Variants in MASP1 observed in about 807,000 individuals in gnomAD.
MASP1 encodes the protein MBL associated serine protease 1, also known as mannan-binding lectin serine protease 1.
MASP1 carries 59 observed loss-of-function variants against 77.1 expected under a neutral mutation model. The observed-to-expected ratio is 0.77, with a 90% confidence interval of 0.62 to 0.95. The LOEUF is 0.95. MASP1 is among the 40% of genes least tolerant of loss of function. The pLI, the probability that MASP1 is intolerant of heterozygous loss-of-function variation, is 0.00. For missense variants in MASP1, 885 were observed against 912.9 expected, an observed-to-expected ratio of 0.97 and a Z score of 0.39; for synonymous variants, 362 against 354.5, an observed-to-expected ratio of 1.02 and a Z score of -0.24.
At chr3:187,277,497 C>A (rs1717057416) in intron 2 of MASP1, among the ~76,000 whole-genome samples, 1 of 151,990 alleles carries the variant, frequency 6.6e-6, no homozygotes, top group Non-Finnish European at 1.5e-5. Flanking sequence ...ATATAGGGAC[C>A]CTCAAGGACC....
intron 8 of MASP1, 76 bp downstream of exon 8, chr3:187,250,175 C>A: frequency 8.4e-7 from 1 of 1,194,472 alleles, no homozygotes. Context: ...AAGCTTTCAC[C>A]CTTGCATGCT....
Position 187,241,373 on chromosome 3 carries a change from A to T in MASP1, c.1303+108T>A, listed in dbSNP as rs1713622016. 5.7e-6 allele frequency: 5 copies of T among 877,136 alleles called. No individual in the cohort carries two copies. The Admixed American group carries it at 8.8e-5, about 16-fold the overall frequency. The allele number at this position is 877,136 out of a possible 1,614,324, so 54.3% of individuals were successfully genotyped here. The stretch of plus-strand genomic sequence containing the variant: ...GAAGACATCTCTTAAAAAGCAACCA[A>T]AGCATCACCTCCCCTGTCCCCCATC... On this transcript the variant is annotated intron_variant, in intron 10 of 10. Coordinates refer to ENST00000296280, the MANE Select transcript of MASP1 (RefSeq NM_139125.4).
intron 1 of MASP1, among the ~76,000 whole-genome samples, chr3:187,288,670 G>A (rs937334552): frequency 3.3e-5 from 5 of 152,136 alleles, no homozygotes; most frequent in Non-Finnish European, 5.9e-5. Context: ...CTCCTAAACC[G>A]GACTTCCCTA....
At chr3:187,219,240 T>A (rs1022065425) in exon 16 of MASP1, 1 of 152,254 alleles carries the variant, frequency 6.6e-6, no homozygotes, top group African/African-American at 2.4e-5. Context: ...CTTCATTGTA[T>A]CTTAGATCGT....
intron 3 of MASP1, among the ~76,000 whole-genome samples, chr3:187,262,334 G>A (rs74653706): frequency 6.6e-6 from 1 of 152,260 alleles, no homozygotes; most frequent in East Asian, 1.9e-4. Flanking sequence ...TGCAATTTAC[G>A]TTAAAACACT....
chr3:187,221,017 G>T, intron 15 of MASP1: 1 of 1,605,284 alleles, frequency 6.2e-7, no homozygotes, highest in Non-Finnish European at 8.5e-7. Flanking sequence ...CCTGTTGTAT[G>T]CCAGCCTCTT....
intron 1 of MASP1, 174 bp downstream of exon 1, chr3:187,291,454 G>T (rs1254648161): frequency 2.5e-6 from 2 of 809,886 alleles, no homozygotes; most frequent in Non-Finnish European, 4.2e-6. Context: ...CCTGGGGAAG[G>T]CACCCAGCCC....
chr3:187,234,435 G>T lies in MASP1; in HGVS notation c.*1249C>A. On this transcript the variant is annotated 3_prime_UTR_variant, in exon 11 of 11. Coordinates refer to ENST00000296280, the MANE Select transcript of MASP1 (RefSeq NM_139125.4). ...AGAAGGAACCTGCAGGGGACCTTAT[G>T]CCAGCCTGTTGCTGACGGAGAACCA... The T allele has an allele frequency of 7.8e-7, 1 of 1,285,626 alleles. No individual in the cohort carries two copies. Among genetic ancestry groups the T allele is most frequent in the Non-Finnish European group, 1.0e-6 (1 of 987,184 alleles). The allele number at this position is 1,285,626 out of a possible 1,614,324, so 79.6% of individuals were successfully genotyped here. A position where few individuals can be genotyped will look rare whatever the true frequency, so the allele number is the denominator to read the frequency against.
At chr3:187,284,420 G>A (rs1413945028) in intron 2 of MASP1, among the ~76,000 whole-genome samples, 1 of 152,168 alleles carries the variant, frequency 6.6e-6, no homozygotes, top group Non-Finnish European at 1.5e-5. Flanking sequence ...ATCCCACAAT[G>A]CTCAAGACAG....
downstream of MASP1, among the ~76,000 whole-genome samples, chr3:187,230,150 T>C (rs1712682433): frequency 6.6e-6 from 1 of 152,242 alleles, no homozygotes; most frequent in African/African-American, 2.4e-5. Context: ...ATCAAAGCCA[T>C]GCACTTTCTG....
chr3:187,246,713 A>G (rs1714111181), intron 8 of MASP1: 1 of 987,414 alleles, frequency 1.0e-6, no homozygotes, highest in South Asian at 4.6e-5. Flanking sequence ...TTTAAGAAAC[A>G]TAGAACTTGT....
Position 187,251,647 on chromosome 3 carries a change from T to A in MASP1, c.998A>T (p.Tyr333Phe), listed in dbSNP as rs1260209294. ...DQVLVSCDTGYKVLKDNVEMD... is the reference protein window; with the variant it reads ...DQVLVSCDTGFKVLKDNVEMD... ...AAGGCTCTGCACCTTCAGCACTTTG[T>A]AGCCTGTGTCACAGCTGACGAGCAC... The change falls in exon 7 of 11, where the codon TAC becomes TTC. Residue 333 changes from tyrosine (Y) to phenylalanine (F), a missense_variant. Coordinates refer to ENST00000296280, the MANE Select transcript of MASP1 (RefSeq NM_139125.4). The A allele has an allele frequency of 1.9e-6, 3 of 1,613,972 alleles. No homozygotes were observed. Among genetic ancestry groups the A allele is most frequent in the Non-Finnish European group, 2.5e-6 (3 of 1,179,958 alleles).
chr3:187,220,250 C>T (rs375949805), exon 16 of MASP1: 10 of 1,613,930 alleles, frequency 6.2e-6, no homozygotes, highest in African/African-American at 2.7e-5. Flanking sequence ...CCCGCACAGG[C>T]GTCCTTTCCC....
intron 14 of MASP1, among the ~76,000 whole-genome samples, chr3:187,221,935 G>A (rs899718304): frequency 6.6e-6 from 1 of 152,212 alleles, no homozygotes. Context: ...AATAAAAAGA[G>A]GAAACATATG....
chr3:187,225,184 G>T, intron 13 of MASP1: 1 of 921,244 alleles, frequency 1.1e-6, no homozygotes, highest in Non-Finnish European at 1.7e-6. Context: ...GTTCTGACTT[G>T]GCTGTTTGAG....
intron 14 of MASP1, among the ~76,000 whole-genome samples, chr3:187,222,598 G>A (rs966928265): frequency 1.3e-5 from 2 of 152,122 alleles, no homozygotes; most frequent in South Asian, 4.2e-4. Context: ...GGTCTAGAGA[G>A]GCAAAATAAC....
intron 2 of MASP1, 197 bp from the exon 3 acceptor site, chr3:187,262,917 TC>T: frequency 1.7e-6 from 1 of 576,826 alleles, no homozygotes. Context: ...TCAGTTTCAT[TC>T]GTCTTATTTA....
chr3:187,261,017 G>T (rs1579538136), intron 3 of MASP1, 145 bp from the exon 4 acceptor site: 26 of 975,078 alleles, frequency 2.7e-5, no homozygotes, highest in Non-Finnish European at 1.6e-6. Context: ...CAGCCCAGAG[G>T]TAGCCATTAT....
chr3:187,252,952 A>C (rs1714744937), intron 6 of MASP1, among the ~76,000 whole-genome samples: 1 of 152,230 alleles, frequency 6.6e-6, no homozygotes, highest in South Asian at 2.1e-4. Flanking sequence ...GAAAACCATC[A>C]GTCTAGTCCA....
Sources: gnomAD v4.1 joint callset for allele counts (sites outside exome capture counted in the v4.1 genomes callset) on GRCh38, gnomAD v4.1.1 for gene constraint, MANE v1.5 for transcripts, NCBI Gene and HGNC (gene_info 2026-07-23, HGNC 2026-07-21) for gene names.